ACBD3: variants seen among roughly 807,000 people sequenced by gnomAD.
ACBD3 encodes the protein acyl-CoA binding domain containing 3, also known as Golgi resident protein GCP60.
Under a neutral mutation model 66.9 loss-of-function variants are expected in ACBD3, and 30 were observed. The ratio of observed to expected loss-of-function variants is 0.45; its 90% CI spans 0.34 to 0.61. The LOEUF is 0.61. Among genes scored for constraint, ACBD3 ranks in the 20% least tolerant of loss-of-function variants. The pLI, the probability that ACBD3 is intolerant of heterozygous loss-of-function variation, is 0.02. For synonymous variants in ACBD3, 278 were observed against 259.8 expected (o/e 1.07, Z -0.68); for missense variants, 544 against 664.5 (o/e 0.82, Z 1.99).
rs751995682 is a variant in ACBD3, at chr1:226,161,579, T to C, written c.680A>G (p.Glu227Gly). Residue 227 changes from glutamate to glycine, a missense_variant, in exon 4 of 8, where the codon GAG becomes GGG. By Grantham distance (98) the Glu-to-Gly change is moderately conservative (BLOSUM62 -2). Around this residue, in one of 3 missense-constraint regions of ACBD3, gnomAD observed 383 missense variants for 462.4 expected, o/e 0.83. Transcript: ENST00000366812. ...TTCTTCTTCTATCCGTCTCCTTTCC[T>C]CTTCCTCCCGTCGAAGCCTTTCCTC... ...EEEERLRREEEERRRIEEERL... is the reference protein window; with the variant it reads ...EEEERLRREEGERRRIEEERL... 1.9e-5 allele frequency: 31 copies of C among 1,614,066 alleles called. No individual in the cohort carries two copies. Among genetic ancestry groups the C allele is most frequent in the Admixed American group, 3.3e-5 (2 of 60,002 alleles).
intron 5 of ACBD3, 28 bp from the exon 6 acceptor site, chr1:226,154,861 A>G (rs1659642965): frequency 1.3e-6 from 2 of 1,575,448 alleles, no homozygotes; most frequent in East Asian, 4.5e-5. Flanking sequence ...GTGAAGACAC[A>G]CTGACCAGGA....
Position 226,159,254 on chromosome 1 carries a change from C to A in ACBD3, c.833G>T (p.Arg278Leu). ...CTGATAGTGTTGCTCCTGCAACTGGCGGATGAGAATTTGCTGCTGTTCGTA... is the reference window on the plus strand; with the variant it reads ...CTGATAGTGTTGCTCCTGCAACTGGAGGATGAGAATTTGCTGCTGTTCGTA... ...GNYEQQQILI[R>L]QLQEQHYQQY... The change falls in exon 5 of 8, where the codon CGC becomes CTC. Residue 278 changes from arginine to leucine, a missense_variant. By Grantham distance (102) the Arg-to-Leu change is moderately radical (BLOSUM62 -2). Around this residue, in one of 3 missense-constraint regions of ACBD3, gnomAD observed 383 missense variants for 462.4 expected, o/e 0.83. Transcript: ENST00000366812. 6.2e-7 allele frequency: 1 copy of A among 1,614,134 alleles called. No homozygotes were observed. The highest frequency in any genetic ancestry group is 8.5e-7 in the Non-Finnish European group (1 of 1,180,012).
At chr1:226,167,688 C>T (rs1265604014) in intron 1 of ACBD3, among the ~76,000 whole-genome samples, 1 of 152,084 alleles carries the variant, frequency 6.6e-6, no homozygotes, top group Non-Finnish European at 1.5e-5. Flanking sequence ...TTGAAAGTAG[C>T]ATATGCTACT....
intron 1 of ACBD3, among the ~76,000 whole-genome samples, chr1:226,181,807 C>T (rs757698327): frequency 1.3e-5 from 2 of 151,996 alleles, no homozygotes; most frequent in Non-Finnish European, 2.9e-5. Flanking sequence ...CTCTAAAAAC[C>T]AAAATACAAT....
chr1:226,160,313 C>A (rs935018869), intron 4 of ACBD3, among the ~76,000 whole-genome samples: 7 of 302 alleles, frequency 0.023, no homozygotes, highest in African/African-American at 0.052. Flanking sequence ...TCGTTTCAAA[C>A]CCCTGACCTC....
At chr1:226,167,133 T>C (rs1205457197) in intron 1 of ACBD3, among the ~76,000 whole-genome samples, 6 of 152,186 alleles carry the variant, frequency 3.9e-5, no homozygotes, top group Non-Finnish European at 8.8e-5. Flanking sequence ...AAAATAATTT[T>C]TAGCCAAAAG....
At chr1:226,155,433 A>T (rs1046625008) in intron 5 of ACBD3, among the ~76,000 whole-genome samples, 1 of 151,936 alleles carries the variant, frequency 6.6e-6, no homozygotes, top group Admixed American at 6.6e-5. Flanking sequence ...AAAAAAAAAA[A>T]AGTAGAAATA....
At chr1:226,147,438 A>AT (rs1228308566) in intron 7 of ACBD3, among the ~76,000 whole-genome samples, 1 of 151,982 alleles carries the variant, frequency 6.6e-6, no homozygotes, top group Non-Finnish European at 1.5e-5. Flanking sequence ...TCAAGGTCCC[A>AT]TTTTCCCCTT....
Position 226,152,492 on chromosome 1 carries a change from T to C in ACBD3, c.1218A>G (p.Arg406=). The C allele has an allele frequency of 6.2e-7, 1 of 1,614,234 alleles. No individual in the cohort carries two copies. The highest frequency in any genetic ancestry group is 8.5e-7 in the Non-Finnish European group (1 of 1,180,038). The change falls in exon 7 of 8, where the codon CGA becomes CGG. Residue 406 remains arginine, a synonymous_variant. Coordinates refer to ENST00000366812, the MANE Select transcript of ACBD3 (RefSeq NM_022735.4). Reference sequence around the variant, plus strand: ...ATGATCCTTCTTCATGGGTGGGTACTCGAACAGTGACCACTTCTCCTCGGC... The same window carrying C: ...ATGATCCTTCTTCATGGGTGGGTACCCGAACAGTGACCACTTCTCCTCGGC... ...TVGRGEVVTV[R]VPTHEEGSYL... is the part of the protein sequence containing the mutation.
chr1:226,168,332 C>T (rs183850234), intron 1 of ACBD3, among the ~76,000 whole-genome samples: 15 of 152,200 alleles, frequency 9.9e-5, no homozygotes, highest in Admixed American at 2.6e-4. Context: ...AGGAGAGACT[C>T]CTGTATTTCA....
At chr1:226,155,083 A>G in intron 5 of ACBD3, 1 of 282,776 alleles carries the variant, frequency 3.5e-6, no homozygotes, top group Non-Finnish European at 6.5e-6. Flanking sequence ...TAAGGCTCAC[A>G]TTTCTGTGAT....
chr1:226,178,579 A>AAAAAAAAAG lies in ACBD3; in HGVS notation c.286+7810_286+7811insCTTTTTTTT, dbSNP rs1656103051. On this transcript the variant is annotated intron_variant, in intron 1 of 7. Coordinates refer to ENST00000366812, the MANE Select transcript of ACBD3 (RefSeq NM_022735.4). ...GACAGAGCAAGACTCCGTCTCAAAA[A>AAAAAAAAAG]AAAAAAAAAAAAAAGACTATTAGGC... Among the ~76,000 whole-genome samples, 2 of 141,948 alleles carry AAAAAAAAAG rather than the reference A, an allele frequency of 1.4e-5. 1 individual carries two copies. The highest frequency in any genetic ancestry group is 3.0e-5 in the Non-Finnish European group (2 of 67,502). The allele number at this position is 141,948 out of a possible 152,430, so 93.1% of individuals were successfully genotyped here. A position where few individuals can be genotyped will look rare whatever the true frequency, so the allele number is the denominator to read the frequency against.
At chr1:226,166,140 T>C in intron 1 of ACBD3, 140 bp from the exon 2 acceptor site, 1 of 1,007,746 alleles carries the variant, frequency 9.9e-7, no homozygotes, top group Non-Finnish European at 1.4e-6. Flanking sequence ...AAATTTTTAT[T>C]TCAATTACTA....
chr1:226,166,675 C>T (rs955781135), intron 1 of ACBD3, among the ~76,000 whole-genome samples: 4 of 151,146 alleles, frequency 2.6e-5, no homozygotes, highest in Non-Finnish European at 5.9e-5. Context: ...TTTGTAGAGA[C>T]AAGGTCTCAC....
rs1576245210 is a variant in ACBD3, at chr1:226,186,466, C to T, written c.210G>A (p.Glu70=). The stretch of plus-strand genomic sequence containing the variant: ...AGCGCTGCTCCAGCCGCCGCGCCTC[C>T]TCCGCCGCGCCCCCAGCCGCCGCCT... ...PGEAAAGGAA[E]EARRLEQRWG... is the part of the protein sequence containing the mutation. Residue 70 remains glutamate, a synonymous_variant, in exon 1 of 8, where the codon GAG becomes GAA. Coordinates refer to ENST00000366812, the MANE Select transcript of ACBD3 (RefSeq NM_022735.4). The T allele has an allele frequency of 5.3e-6, 8 of 1,500,718 alleles. No homozygotes were observed. The highest frequency in any genetic ancestry group is 6.2e-6 in the Non-Finnish European group (7 of 1,127,476). The allele number at this position is 1,500,718 out of a possible 1,614,324, so 93.0% of individuals were successfully genotyped here.
Position 226,146,662 on chromosome 1 carries a change from T to G in ACBD3, c.1535A>C (p.Tyr512Ser). The G allele has an allele frequency of 6.2e-7, 1 of 1,613,820 alleles. No individual in the cohort carries two copies. The highest frequency in any genetic ancestry group is 8.5e-7 in the Non-Finnish European group (1 of 1,179,968). Residue 512 changes from tyrosine (Y) to serine (S), a missense_variant, in exon 8 of 8, where the codon TAC (tyrosine) becomes TCC (serine). By Grantham distance (144) the Tyr-to-Ser change is moderately radical. Around this residue, in one of 3 missense-constraint regions of ACBD3, gnomAD observed 383 missense variants for 462.4 expected, o/e 0.83. Transcript: ENST00000366812. ...GACTGATTTTGACCGCCACAAAGAG[T>G]AGGAGTTGTCAAACTTGAGGAGATA... ...GVYLLKFDNS[Y>S]SLWRSKSVYY...
At chr1:226,154,098 G>C (rs373089362) in intron 6 of ACBD3, among the ~76,000 whole-genome samples, 1 of 152,174 alleles carries the variant, frequency 6.6e-6, no homozygotes, top group Admixed American at 6.5e-5. Context: ...TCTCATGAGG[G>C]AGCCTAAGTC....
Position 226,146,722 on chromosome 1 carries a change from T to C in ACBD3, c.1475A>G (p.Tyr492Cys). The C allele has an allele frequency of 1.2e-6, 2 of 1,614,056 alleles. No individual in the cohort carries two copies. Among genetic ancestry groups the C allele is most frequent in the Non-Finnish European group, 1.7e-6 (2 of 1,180,002 alleles). ...CCCTGGATATTGATGGCTGCCAGCATACACCTCCTCATGACAGTCCCGTCG... is the reference window on the plus strand; with the variant it reads ...CCCTGGATATTGATGGCTGCCAGCACACACCTCCTCATGACAGTCCCGTCG... ...VYRRDCHEEVYAGSHQYPGRG... is the reference protein window; with the variant it reads ...VYRRDCHEEVCAGSHQYPGRG... Residue 492 changes from tyrosine (Y) to cysteine (C), a missense_variant, in exon 8 of 8, where the codon TAT becomes TGT. Transcript: ENST00000366812.
chr1:226,176,777 TACTG>T (rs1353721869), intron 1 of ACBD3, among the ~76,000 whole-genome samples: 7 of 152,180 alleles, frequency 4.6e-5, no homozygotes, highest in African/African-American at 1.4e-4. Flanking sequence ...CTTTTGTGAA[TACTG>T]ACTCACAATG....
Sources: gnomAD v4.1 joint callset for allele counts (sites outside exome capture counted in the v4.1 genomes callset) on GRCh38, gnomAD v4.1.1 for gene constraint, gnomAD v4.1.1 regional missense constraint, MANE v1.5 for transcripts, NCBI Gene and HGNC (gene_info 2026-07-23, HGNC 2026-07-21) for gene names.